Variants in KCNJ3 observed in about 807,000 individuals in gnomAD.
The protein encoded by KCNJ3 is potassium inwardly rectifying channel subfamily J member 3.
In KCNJ3, 4 loss-of-function variants were observed where a neutral mutation model predicts 39.2. The ratio of observed to expected loss-of-function variants is 0.10; its 90% CI spans 0.05 to 0.23. The LOEUF (loss-of-function observed/expected upper bound fraction) is 0.23. Among genes scored for constraint, KCNJ3 ranks in the 10% least tolerant of loss-of-function variants. The pLI, the probability that KCNJ3 is intolerant of heterozygous loss-of-function variation, is 1.00. For synonymous variants in KCNJ3, 230 were observed against 237.4 expected (o/e 0.97, Z 0.29); for missense variants, 276 against 634.9 (o/e 0.43, Z 6.08).
At chr2:154,701,712 A>G (rs73019263) in intron 1 of KCNJ3, among the ~76,000 whole-genome samples, 1,551 of 152,204 alleles carry the variant, frequency 0.01, 20 homozygotes, top group African/African-American at 0.035. Flanking sequence ...ATTCTTATAA[A>G]GTCTTTTACT....
Position 154,847,325 on chromosome 2 carries a change from G to A in KCNJ3, c.920-7402G>A, listed in dbSNP as rs556451472. 7.2e-5 allele frequency among the ~76,000 whole-genome samples: 11 copies of A among 152,242 alleles called. No individual in the cohort carries two copies. The South Asian group carries it at 2.3e-3, about 32-fold the overall frequency. On this transcript the variant is annotated intron_variant, in intron 2 of 2. Coordinates refer to ENST00000295101, the MANE Select transcript of KCNJ3 (RefSeq NM_002239.4). Reference sequence around the variant, plus strand: ...ACACAATAGAGAGCATGCAGAGAATGCCAAGTTAGTGTTACAGTTAATATA... The same window carrying A: ...ACACAATAGAGAGCATGCAGAGAATACCAAGTTAGTGTTACAGTTAATATA...
chr2:154,755,011 A>G (rs1356607891), intron 2 of KCNJ3, among the ~76,000 whole-genome samples: 1 of 152,038 alleles, frequency 6.6e-6, no homozygotes, highest in African/African-American at 2.4e-5. Flanking sequence ...TAAGTCATCA[A>G]ATTTATTATT....
intron 2 of KCNJ3, among the ~76,000 whole-genome samples, chr2:154,843,517 T>G (rs924406304): frequency 6.6e-5 from 10 of 152,200 alleles, no homozygotes; most frequent in African/African-American, 2.4e-4. Flanking sequence ...TCCTGTATAA[T>G]ATCCTGAAGA....
chr2:154,736,850 C>CTTATA (rs1685556355), intron 2 of KCNJ3, among the ~76,000 whole-genome samples: 1 of 137,768 alleles, frequency 7.3e-6, no homozygotes, highest in African/African-American at 2.6e-5. Flanking sequence ...CCTAAAACTG[C>CTTATA]CCCGGCTTAC....
intron 2 of KCNJ3, among the ~76,000 whole-genome samples, chr2:154,823,746 T>C (rs1687222145): frequency 6.6e-6 from 1 of 152,236 alleles, no homozygotes; most frequent in African/African-American, 2.4e-5. Flanking sequence ...ACAATATTTA[T>C]ACATATACAT....
intron 2 of KCNJ3, among the ~76,000 whole-genome samples, chr2:154,771,642 AG>A (rs1361023993): frequency 1.3e-5 from 2 of 152,188 alleles, no homozygotes; most frequent in Non-Finnish European, 2.9e-5. Context: ...CCAGTTATCA[AG>A]CAATTGTGTT....
At chr2:154,823,410 T>C (rs1227260623) in intron 2 of KCNJ3, among the ~76,000 whole-genome samples, 2 of 150,784 alleles carry the variant, frequency 1.3e-5, no homozygotes, top group Non-Finnish European at 3.0e-5. Context: ...CACATTCTTT[T>C]TTTTTTTTTT....
At position 154,855,987 on chromosome 2, in the gene KCNJ3, A is replaced by AT. The variant is rs887173159; in HGVS notation, c.*676dup. ...TGTTTAAGGTCTTGGGAGGCTTTCA[A>AT]TTGTATTTTATATGAGAGAATCACA... On this transcript the variant is annotated 3_prime_UTR_variant, in exon 3 of 3. Transcript: ENST00000295101. 3.9e-5 allele frequency: 6 copies of AT among 152,474 alleles called. No homozygotes were observed. The highest frequency in any genetic ancestry group is 1.4e-4 in the African/African-American group (6 of 41,428). The allele number at this position is 152,474 out of a possible 1,614,324, so 9.4% of individuals were successfully genotyped here. A position where few individuals can be genotyped will look rare whatever the true frequency, so the allele number is the denominator to read the frequency against.
chr2:154,797,974 T>G (rs571789183), intron 2 of KCNJ3, among the ~76,000 whole-genome samples: 1 of 152,234 alleles, frequency 6.6e-6, no homozygotes, highest in South Asian at 2.1e-4. Flanking sequence ...AATTTTATAC[T>G]TATTGAACAA....
chr2:154,797,033 T>C (rs1050178831), intron 2 of KCNJ3, among the ~76,000 whole-genome samples: 19 of 152,050 alleles, frequency 1.2e-4, no homozygotes, highest in African/African-American at 4.6e-4. Flanking sequence ...GTACAAGGTG[T>C]AGGAGGAGAA....
At chr2:154,733,061 C>T (rs1324810226) in intron 2 of KCNJ3, among the ~76,000 whole-genome samples, 2 of 152,048 alleles carry the variant, frequency 1.3e-5, no homozygotes, top group African/African-American at 4.8e-5. Context: ...TTTATAAAAC[C>T]TACTCTCCTT....
At chr2:154,807,391 C>A (rs1013606386) in intron 2 of KCNJ3, among the ~76,000 whole-genome samples, 1 of 152,150 alleles carries the variant, frequency 6.6e-6, no homozygotes, top group Non-Finnish European at 1.5e-5. Context: ...GTCGTTCACC[C>A]AATGTGTGAC....
At chr2:154,822,890 A>G (rs1210299726) in intron 2 of KCNJ3, among the ~76,000 whole-genome samples, 3 of 151,872 alleles carry the variant, frequency 2.0e-5, no homozygotes, top group Admixed American at 6.6e-5. Flanking sequence ...TAATAGTGTA[A>G]TATTTGTTAA....
intron 2 of KCNJ3, among the ~76,000 whole-genome samples, chr2:154,836,219 CAAAAAAAAACAA>C (rs1268834184): frequency 1.6e-4 from 19 of 118,684 alleles, no homozygotes; most frequent in African/African-American, 5.7e-4. Context: ...AAAAAAAAAA[CAAAAAAAAACAA>C]AAAAAAAAAC....
At chr2:154,837,848 G>T (rs1431728858) in intron 2 of KCNJ3, among the ~76,000 whole-genome samples, 2 of 152,184 alleles carry the variant, frequency 1.3e-5, no homozygotes, top group Non-Finnish European at 2.9e-5. Context: ...TGCGGATATA[G>T]ACTATATGGG....
intron 2 of KCNJ3, among the ~76,000 whole-genome samples, chr2:154,829,186 A>T (rs1361674679): frequency 6.6e-6 from 1 of 152,164 alleles, no homozygotes; most frequent in Admixed American, 6.5e-5. Flanking sequence ...ACAGGCAATT[A>T]GCATGTCATA....
intron 2 of KCNJ3, among the ~76,000 whole-genome samples, chr2:154,851,342 A>G (rs561455783): frequency 9.8e-5 from 15 of 152,334 alleles, no homozygotes; most frequent in Middle Eastern, 3.4e-3. Context: ...GTAAAAATTC[A>G]TCACACATAT....
intron 1 of KCNJ3, among the ~76,000 whole-genome samples, chr2:154,707,165 T>A (rs1685024532): frequency 6.6e-6 from 1 of 151,830 alleles, no homozygotes; most frequent in South Asian, 2.1e-4. Flanking sequence ...ATCTGAAAAA[T>A]ATATGAGCAT....
At chr2:154,721,170 C>G (rs539448918) in intron 2 of KCNJ3, among the ~76,000 whole-genome samples, 1 of 152,054 alleles carries the variant, frequency 6.6e-6, no homozygotes, top group South Asian at 2.1e-4. Flanking sequence ...TGTTTTATAG[C>G]CTGTAGATTG....
Sources: allele counts gnomAD v4.1 joint callset (sites outside exome capture counted in the v4.1 genomes callset), GRCh38; gene constraint gnomAD v4.1.1; transcripts MANE v1.5; gene names NCBI Gene and HGNC (gene_info 2026-07-23, HGNC 2026-07-21).